The following CDH16 variants were observed in gnomAD, a reference collection of about 807,000 sequenced individuals.
CDH16 encodes cadherin 16, also known as cadherin-16.
A neutral mutation model predicts 87.6 loss-of-function variants in CDH16; 79 were observed. The ratio of observed to expected loss-of-function variants is 0.90; its 90% confidence interval spans 0.75 to 1.09. The LOEUF is 1.09. CDH16 is among the 50% of genes least tolerant of loss of function. The pLI is 0.00. For synonymous variants in CDH16, 457 were observed against 439.5 expected (o/e 1.04, Z -0.50); for missense variants, 1,124 against 1,071.7 (o/e 1.05, Z -0.68).
chr16:66,908,655 T>C (rs116245174), intron 17 of CDH16, among the ~76,000 whole-genome samples, 166 bp from the exon 18 acceptor site: 6,512 of 152,172 alleles, frequency 0.043, 390 homozygotes, highest in African/African-American at 0.14. Flanking sequence ...TGGAGAAGCT[T>C]GACTCCTCGG....
In CDH16 at chr16:66,913,244, T is replaced by A. The variant is rs769979240; in HGVS notation, c.941A>T (p.Glu314Val). The A allele has an allele frequency of 6.4e-7, 1 of 1,566,778 alleles. No individual in the cohort carries two copies. The highest frequency in any genetic ancestry group is 1.4e-5 in the African/African-American group (1 of 73,476). ...LQVRAQNSHG[E>V]DYAAPLELHV... ...CAGCTCCAGAGGGGCCGCATAGTCC[T>A]CGCCATGGGAATTCTGAGCCCGCAC... The change falls in exon 9 of 18, where the codon GAG becomes GTG. Residue 314 changes from glutamate (E) to valine (V), a missense_variant. Physicochemically the swap from Glu to Val is moderately radical, Grantham distance 121. Coordinates refer to ENST00000299752, the MANE Select transcript of CDH16 (RefSeq NM_004062.4).
rs181399944 is a variant in CDH16, at chr16:66,909,773, G to A, written c.2275+213C>T. Among the ~76,000 whole-genome samples, 7 of 152,306 alleles carry A rather than the reference G, an allele frequency of 4.6e-5. No individual in the cohort carries two copies. The highest frequency in any genetic ancestry group is 1.4e-4 in the African/African-American group (6 of 41,572). ...ATCATGCCACTACACTCCAGCCTGG[G>A]TGACAGAGTGAGACTCTGTCTCAAA... On this transcript the variant is annotated intron_variant, in intron 16 of 17. Coordinates refer to ENST00000299752, the MANE Select transcript of CDH16 (RefSeq NM_004062.4). This position sits in a 1 kb window ranked among gnomAD's most constrained non-coding sequence, Gnocchi z 4.1.
intron 3 of CDH16, 78 bp downstream of exon 3, chr16:66,917,564 G>T: frequency 1.0e-6 from 1 of 981,182 alleles, no homozygotes; most frequent in Non-Finnish European, 1.6e-6. Flanking sequence ...ACAGCAAGAG[G>T]AAGGGTGCCA....
rs748474441 is a variant in CDH16 at position 66,916,361 on chromosome 16, C to G, written c.198G>C (p.Glu66Asp). Residue 66 changes from glutamate to aspartate, a missense_variant, in exon 4 of 18, where the codon GAG (glutamate) becomes GAC (aspartate). By Grantham distance (45) the Glu-to-Asp change is conservative (BLOSUM62 2). Transcript: ENST00000299752. The surrounding 1 kb of genome is among the most constrained non-coding windows in gnomAD (Gnocchi z 4.1). ...VLSGDSGKATEGPFAMDPDSG... is the reference protein window; with the variant it reads ...VLSGDSGKATDGPFAMDPDSG... ...AATCTGGATCCATAGCAAATGGGCC[C>G]TCAGTTGCCTTGCCTGAGTCCCCTG... is the stretch of plus-strand genomic sequence containing the variant. The G allele has an allele frequency of 6.2e-7, 1 of 1,614,070 alleles. No homozygotes were observed. The highest frequency in any genetic ancestry group is 8.5e-7 in the Non-Finnish European group (1 of 1,179,930).
chr16:66,914,185 C>T (rs780068189), intron 7 of CDH16, 31 bp downstream of exon 7: 2 of 1,584,470 alleles, frequency 1.3e-6, no homozygotes, highest in East Asian at 4.5e-5. Context: ...ATCCATGGGG[C>T]TGCTTCAGCC....
At position 66,913,628 on chromosome 16, in the gene CDH16, C is replaced by G; in HGVS notation, c.781-15G>C. The G allele has an allele frequency of 6.2e-7, 1 of 1,613,464 alleles. No individual in the cohort carries two copies. The highest frequency in any genetic ancestry group is 1.1e-5 in the South Asian group (1 of 90,992). On this transcript the variant is annotated splice_polypyrimidine_tract_variant and intron_variant, in intron 7 of 17. Transcript: ENST00000299752. Reference sequence around the variant, plus strand: ...CTCCAGTGTACCTGGGGGGGACACCCCGGGCCAAGGGGCAGGAACAATCCA... The same window carrying G: ...CTCCAGTGTACCTGGGGGGGACACCGCGGGCCAAGGGGCAGGAACAATCCA...
In CDH16 at chr16:66,909,512, G is replaced by T; in HGVS notation, c.2276-129C>A. On this transcript the variant is annotated intron_variant, in intron 16 of 17. Transcript: ENST00000299752. This position sits in a 1 kb window ranked among gnomAD's most constrained non-coding sequence, Gnocchi z 4.1. ...ATGTGTGTATTCACATGTGTGTGAA[G>T]ATATATGCGCTAGCCAGGCGTGGTG... 2 of 672,400 alleles carry T rather than the reference G, an allele frequency of 3.0e-6. No homozygotes were observed. The highest frequency in any genetic ancestry group is 5.3e-6 in the Non-Finnish European group (2 of 380,740). 41.7% of individuals were successfully genotyped at this position (672,400 alleles called of 1,614,324 possible).
intron 1 of CDH16, 77 bp from the exon 2 acceptor site, chr16:66,918,155 A>C: frequency 1.0e-6 from 1 of 984,860 alleles, no homozygotes; most frequent in Non-Finnish European, 1.5e-6. Context: ...AACTAGTGGG[A>C]TCGTACTGCA....
At chr16:66,912,991 CGTGTGTGTGTGTGTGTGT>C in intron 9 of CDH16, 100 bp from the exon 10 acceptor site, 2 of 1,113,030 alleles carry the variant, frequency 1.8e-6, no homozygotes, top group Non-Finnish European at 2.6e-6. Context: ...AATTTGAGCT[CGTGTGTGTGTGTGTGTGT>C]GTGTGTGTGT....
Position 66,908,320 on chromosome 16 carries a change from G to A in CDH16, c.*72C>T, listed in dbSNP as rs1962247245. ...TGTCCTGTCCCCTGCTGGATCTTGG[G>A]TGCTGGGCTCTCTCCCAGGGGACTC... On this transcript the variant is annotated 3_prime_UTR_variant, in exon 18 of 18. Transcript: ENST00000299752. The A allele has an allele frequency of 1.6e-6, 2 of 1,247,460 alleles. No homozygotes were observed. The highest frequency in any genetic ancestry group is 2.4e-5 in the South Asian group (2 of 83,664). 77.3% of individuals were successfully genotyped at this position (1,247,460 alleles called of 1,614,324 possible). A position where few individuals can be genotyped will look rare whatever the true frequency, so the allele number is the denominator to read the frequency against.
chr16:66,915,167 C>A, intron 6 of CDH16, 53 bp downstream of exon 6: 1 of 1,516,182 alleles, frequency 6.6e-7, no homozygotes, highest in Non-Finnish European at 8.9e-7. Context: ...CAGATACCAC[C>A]TTCTCCAGCT....
In CDH16 at chr16:66,916,234, C is replaced by G. The variant is rs533259958; in HGVS notation, c.286-31G>C. Reference sequence around the variant, plus strand: ...AGGGAAGGGGAGTCAGCGTCTGGCTCTGCCTTGCCTGCTCTCCCCTACACC... The same window carrying G: ...AGGGAAGGGGAGTCAGCGTCTGGCTGTGCCTTGCCTGCTCTCCCCTACACC... On this transcript the variant is annotated intron_variant, in intron 4 of 17. Transcript: ENST00000299752. This position sits in a 1 kb window ranked among gnomAD's most constrained non-coding sequence, Gnocchi z 4.1. 6.2e-6 allele frequency: 10 copies of G among 1,614,210 alleles called. No individual in the cohort carries two copies. The East Asian group carries it at 2.2e-4, about 36-fold the overall frequency.
At chr16:66,917,240 A>G (rs1012981391) in intron 3 of CDH16, among the ~76,000 whole-genome samples, 3 of 152,160 alleles carry the variant, frequency 2.0e-5, no homozygotes, top group Admixed American at 6.5e-5. Flanking sequence ...TGGAAGTTGC[A>G]GTGAGCTGAG....
chr16:66,908,439 CCTT>C lies in CDH16; in HGVS notation c.2440_2442del (p.Lys814del). The C allele has an allele frequency of 1.2e-6, 2 of 1,614,116 alleles. No individual in the cohort carries two copies. Among genetic ancestry groups the C allele is most frequent in the Non-Finnish European group, 8.5e-7 (1 of 1,180,000 alleles). Reference sequence around the variant, plus strand: ...ACGCTGTCTGCTGGTTGATCCGGGTCCTTCTTCCTTGACATGGTCCAGTGGGTG... The same window carrying C: ...ACGCTGTCTGCTGGTTGATCCGGGTCCTTCCTTGACATGGTCCAGTGGGTG... On this transcript the variant is annotated inframe_deletion, in exon 18 of 18. Transcript: ENST00000299752.
chr16:66,910,433 A>T lies in CDH16; in HGVS notation c.1994T>A (p.Leu665Gln), dbSNP rs1362447146. Residue 665 changes from leucine (L) to glutamine (Q), a missense_variant, in exon 15 of 18, where the codon CTG becomes CAG. Coordinates refer to ENST00000299752, the MANE Select transcript of CDH16 (RefSeq NM_004062.4). ...HFLKAPPAPA[L>Q]TLAPVPSQYL... ...TTGGGAGGGCACAGGGGCAAGAGTC[A>T]GGGCTGGGGCAGGAGGGGCCTTTAG... The T allele has an allele frequency of 2.5e-6, 4 of 1,597,820 alleles. No individual in the cohort carries two copies. Among genetic ancestry groups the T allele is most frequent in the Non-Finnish European group, 3.4e-6 (4 of 1,170,274 alleles).
intron 14 of CDH16, 124 bp downstream of exon 14, chr16:66,911,058 C>G: frequency 1.1e-6 from 1 of 893,594 alleles, no homozygotes; most frequent in African/African-American, 1.7e-5. Flanking sequence ...AGCTTCATAT[C>G]TGCCTCTCCT....
chr16:66,913,395 G>T, intron 8 of CDH16, 96 bp downstream of exon 8: 1 of 1,582,088 alleles, frequency 6.3e-7, no homozygotes, highest in Non-Finnish European at 8.6e-7. Context: ...CTTTCCCACT[G>T]CCTCAGCCTC....
At chr16:66,914,475 T>A in intron 6 of CDH16, 63 bp from the exon 7 acceptor site, 1 of 1,241,576 alleles carries the variant, frequency 8.1e-7, no homozygotes, top group Non-Finnish European at 1.2e-6. Context: ...GGCATCATTC[T>A]CAGCAAGATA....
Position 66,912,016 on chromosome 16 carries a change from ACTCT to A in CDH16, c.1669_1672del (p.Arg557Ter). ...CTGGTCCAACTTGGGGGGTGGCATC[ACTCT>A]CTCCACTAGCACAGTCACCGTGGCG... On this transcript the variant is annotated frameshift_variant, in exon 13 of 18. Coordinates refer to ENST00000299752, the MANE Select transcript of CDH16 (RefSeq NM_004062.4). LOFTEE classifies it high-confidence loss of function. 1 of 1,613,476 alleles carries A rather than the reference ACTCT, an allele frequency of 6.2e-7. No individual in the cohort carries two copies. Among genetic ancestry groups the A allele is most frequent in the East Asian group, 2.2e-5 (1 of 44,822 alleles).
Sources: gnomAD v4.1 joint callset for allele counts (sites outside exome capture counted in the v4.1 genomes callset) on GRCh38, gnomAD v4.1.1 for gene constraint, Gnocchi (gnomAD v3.1) non-coding constraint, MANE v1.5 for transcripts, NCBI Gene and HGNC (gene_info 2026-07-23, HGNC 2026-07-21) for gene names.